The following PTPN5 variants were observed in gnomAD, a reference collection of about 807,000 sequenced individuals.
PTPN5 encodes protein tyrosine phosphatase non-receptor type 5.
PTPN5 carries 29 observed loss-of-function variants against 73.9 expected under a neutral mutation model. That is an observed-to-expected ratio of 0.39 (90% confidence interval 0.29 to 0.54). The LOEUF is 0.54. Ranked by LOEUF, PTPN5 falls within the 20% of genes least tolerant of loss-of-function variation. The pLI, the probability that PTPN5 is intolerant of heterozygous loss-of-function variation, is 0.65. For synonymous variants in PTPN5, 267 were observed against 304.7 expected (o/e 0.88, Z 1.29); for missense variants, 652 against 751.4 (o/e 0.87, Z 1.55).
intron 2 of PTPN5, among the ~76,000 whole-genome samples, chr11:18,766,646 A>G (rs1850657478): frequency 6.6e-6 from 1 of 152,188 alleles, no homozygotes; most frequent in South Asian, 2.1e-4. Flanking sequence ...CAAGCTGGAA[A>G]AATGTTGCTG....
chr11:18,788,960 C>T lies in PTPN5; in HGVS notation c.-114+2565G>A, dbSNP rs145053405. Among the ~76,000 whole-genome samples the T allele has an allele frequency of 3.2e-3, 495 of 152,318 alleles. 4 individuals carry two copies. Among genetic ancestry groups the T allele is most frequent in the African/African-American group, 0.011 (457 of 41,574 alleles). On this transcript the variant is annotated intron_variant, in intron 1 of 14. Transcript: ENST00000358540. ...ACAAATTAATTATGAAATTCTATTA[C>T]GCTAACGTACAAAAGGTTGAATAAA...
intron 3 of PTPN5, among the ~76,000 whole-genome samples, chr11:18,751,971 C>T (rs1029942177): frequency 5.3e-5 from 8 of 152,180 alleles, no homozygotes; most frequent in Admixed American, 4.6e-4. Flanking sequence ...GGTGGCTCAC[C>T]TGTAATCCCA....
chr11:18,740,389 G>C (rs1849309187), intron 8 of PTPN5: 1 of 426,252 alleles, frequency 2.3e-6, no homozygotes, highest in Non-Finnish European at 4.2e-6. Context: ...TTTAATCTTT[G>C]CAACAATTCT....
At position 18,729,070 on chromosome 11, in the gene PTPN5, A is replaced by C. The variant is rs933471662; in HGVS notation, c.1605-43T>G. On this transcript the variant is annotated intron_variant, in intron 14 of 14. Transcript: ENST00000358540. The surrounding 1 kb of genome is among the most constrained non-coding windows in gnomAD (Gnocchi z 5.2). ...ACAGTGGGGGCAGGGTCGTGGAGGG[A>C]TGGGCTGTGGGAGGTGCCCCAAAAG... The C allele has an allele frequency of 1.4e-5, 22 of 1,599,352 alleles. No homozygotes were observed. Among genetic ancestry groups the C allele is most frequent in the Middle Eastern group, 1.7e-4 (1 of 6,034 alleles).
At chr11:18,736,677 T>C (rs1590492482) in intron 9 of PTPN5, among the ~76,000 whole-genome samples, 1 of 152,108 alleles carries the variant, frequency 6.6e-6, no homozygotes, top group Admixed American at 6.5e-5. Context: ...ACAGACAAGA[T>C]TCTTTATTGG....
At chr11:18,741,959 G>T (rs900978654) in intron 7 of PTPN5, among the ~76,000 whole-genome samples, 2 of 152,204 alleles carry the variant, frequency 1.3e-5, no homozygotes, top group Non-Finnish European at 2.9e-5. Flanking sequence ...ATGAACATAA[G>T]CATGTTAAAG....
chr11:18,732,309 T>G (rs1266668446), intron 12 of PTPN5, among the ~76,000 whole-genome samples: 1 of 152,150 alleles, frequency 6.6e-6, no homozygotes, highest in African/African-American at 2.4e-5. Flanking sequence ...CTTGGGTACA[T>G]TTGAAGCATA....
intron 3 of PTPN5, among the ~76,000 whole-genome samples, chr11:18,765,465 C>G (rs1362459648): frequency 6.6e-6 from 1 of 152,178 alleles, no homozygotes; most frequent in Non-Finnish European, 1.5e-5. Flanking sequence ...TTGCTTCCTA[C>G]CCTTACCTCT....
intron 3 of PTPN5, among the ~76,000 whole-genome samples, chr11:18,753,507 G>A (rs1004409593): frequency 4.6e-5 from 7 of 152,150 alleles, no homozygotes; most frequent in African/African-American, 1.7e-4. Flanking sequence ...CCCTTGCCAT[G>A]GCTAACAACA....
intron 3 of PTPN5, chr11:18,749,385 G>T (rs1439334874): frequency 5.8e-6 from 3 of 518,192 alleles, no homozygotes; most frequent in Middle Eastern, 3.2e-4. Flanking sequence ...TCAAACCCAG[G>T]GCTTTCCAGC....
chr11:18,762,853 C>G (rs1241105737), intron 3 of PTPN5, among the ~76,000 whole-genome samples: 1 of 152,172 alleles, frequency 6.6e-6, no homozygotes, highest in African/African-American at 2.4e-5. Flanking sequence ...GTGGTGGGGC[C>G]AAGCTGAGGT....
chr11:18,782,108 G>GCCATT (rs1164557570), intron 1 of PTPN5, among the ~76,000 whole-genome samples: 2 of 152,230 alleles, frequency 1.3e-5, no homozygotes, highest in African/African-American at 2.4e-5. Context: ...TGACTCACAG[G>GCCATT]CCATTTTTTC....
intron 3 of PTPN5, among the ~76,000 whole-genome samples, chr11:18,760,786 C>T (rs73428472): frequency 0.021 from 3,256 of 152,344 alleles, 134 homozygotes; most frequent in African/African-American, 0.075. Context: ...GTCCATGGCA[C>T]TCCCCATGAG....
chr11:18,780,649 C>A lies in PTPN5; in HGVS notation c.-113-8578G>T, dbSNP rs549257950. Among the ~76,000 whole-genome samples, 13 of 152,244 alleles carry A rather than the reference C, an allele frequency of 8.5e-5. No individual in the cohort carries two copies. The East Asian group carries it at 2.5e-3, about 29-fold the overall frequency. ...CCTCTCCTCTGGCTCAATCCTTCCC[C>A]CAGCACTTTTTGTGACTTGGAAACT... On this transcript the variant is annotated intron_variant, in intron 1 of 14. Transcript: ENST00000358540.
chr11:18,765,797 G>A lies in PTPN5; in HGVS notation c.97+10C>T, dbSNP rs754120950. ...AGGTCTGGGAGGAGCTGGGTGCTGAGAAGACTCACCCGGTAGCCTCTCACT... is the reference window on the plus strand; with the variant it reads ...AGGTCTGGGAGGAGCTGGGTGCTGAAAAGACTCACCCGGTAGCCTCTCACT... On this transcript the variant is annotated intron_variant, in intron 3 of 14. Coordinates refer to ENST00000358540, the MANE Select transcript of PTPN5 (RefSeq NM_006906.2). The A allele has an allele frequency of 1.3e-6, 2 of 1,554,884 alleles. No homozygotes were observed. Among genetic ancestry groups the A allele is most frequent in the Non-Finnish European group, 1.7e-6 (2 of 1,145,430 alleles).
chr11:18,738,206 T>C (rs112147460), intron 8 of PTPN5, among the ~76,000 whole-genome samples: 315 of 152,310 alleles, frequency 2.1e-3, no homozygotes, highest in African/African-American at 7.1e-3. Flanking sequence ...CTGCCATATA[T>C]AGACAGTCAA....
chr11:18,781,795 C>T (rs1392820345), intron 1 of PTPN5, among the ~76,000 whole-genome samples: 2 of 152,112 alleles, frequency 1.3e-5, no homozygotes, highest in African/African-American at 4.8e-5. Context: ...AGCATTCGGC[C>T]TAGTGAGTTG....
intron 3 of PTPN5, among the ~76,000 whole-genome samples, chr11:18,747,873 A>C (rs1316395262): frequency 1.3e-5 from 2 of 152,250 alleles, no homozygotes; most frequent in African/African-American, 4.8e-5. Flanking sequence ...AGCATGGAGC[A>C]GTGAACTCTT....
intron 3 of PTPN5, among the ~76,000 whole-genome samples, chr11:18,746,670 A>C (rs1477917023): frequency 6.6e-6 from 1 of 152,232 alleles, no homozygotes; most frequent in African/African-American, 2.4e-5. Flanking sequence ...ACAGTGCATT[A>C]AGCAATAAAT....
Sources: allele counts gnomAD v4.1 joint callset (sites outside exome capture counted in the v4.1 genomes callset), GRCh38; gene constraint gnomAD v4.1.1; non-coding constraint Gnocchi (gnomAD v3.1); transcripts MANE v1.5; gene names NCBI Gene and HGNC (gene_info 2026-07-23, HGNC 2026-07-21).